Variants in NIPBL observed in about 807,000 individuals in gnomAD.
The protein encoded by NIPBL is nipped-B-like protein.
In NIPBL, 19 loss-of-function variants were observed where a neutral mutation model predicts 321.8. That is an observed-to-expected ratio of 0.06 (90% CI 0.04 to 0.09). The LOEUF (loss-of-function observed/expected upper bound fraction) is 0.09, where lower values mean the gene tolerates loss of function less well. Ranked by LOEUF, NIPBL falls within the 10% of genes least tolerant of loss-of-function variation. NIPBL has a pLI of 1.00. For missense variants in NIPBL, 2,210 were observed against 3,327.0 expected, an observed-to-expected ratio of 0.66 and a Z score of 8.26; for synonymous variants, 1,106 against 1,114.1, an observed-to-expected ratio of 0.99 and a Z score of 0.14.
chr5:36,947,853 C>CT (rs540615687), intron 1 of NIPBL, among the ~76,000 whole-genome samples: 1 of 151,748 alleles, frequency 6.6e-6, no homozygotes, highest in East Asian at 1.9e-4. Context: ...TAATAATGTT[C>CT]TTTTTTTTCA....
chr5:36,915,356 A>G (rs1748378698), intron 1 of NIPBL, among the ~76,000 whole-genome samples: 1 of 152,162 alleles, frequency 6.6e-6, no homozygotes, highest in Non-Finnish European at 1.5e-5. Flanking sequence ...TTTATTTTAA[A>G]TCTAGTTATA....
chr5:36,994,713 C>T (rs1412388740), intron 10 of NIPBL, among the ~76,000 whole-genome samples: 1 of 152,102 alleles, frequency 6.6e-6, no homozygotes, highest in Non-Finnish European at 1.5e-5. Flanking sequence ...GACAAATTAT[C>T]CGAATAAGTA....
Position 37,014,731 on chromosome 5 carries a change from A to G in NIPBL, c.4609A>G (p.Thr1537Ala), listed in dbSNP as rs1561160697. Residue 1537 changes from threonine to alanine, a missense_variant, in exon 22 of 47, where the codon ACA becomes GCA. Around this residue, in one of 14 missense-constraint regions of NIPBL, gnomAD observed 381 missense variants for 642.3 expected, o/e 0.59. Transcript: ENST00000282516. ...ITNSYETAMRTAQNFLSIFLK... is the reference protein window; with the variant it reads ...ITNSYETAMRAAQNFLSIFLK... The stretch of plus-strand genomic sequence containing the variant: ...TAACTCTTATGAAACAGCTATGCGA[A>G]CAGCCCAAAACTTCCTCTCCATCTT... The G allele has an allele frequency of 1.9e-6, 3 of 1,608,570 alleles. No individual in the cohort carries two copies. Among genetic ancestry groups the G allele is most frequent in the Non-Finnish European group, 1.7e-6 (2 of 1,175,088 alleles).
intron 16 of NIPBL, among the ~76,000 whole-genome samples, chr5:37,004,548 G>A (rs1257718179): frequency 3.3e-5 from 5 of 151,896 alleles, no homozygotes; most frequent in Non-Finnish European, 1.5e-5. Context: ...GGAACTACAG[G>A]CATGCACCAC....
At chr5:37,060,078 G>A (rs1246683482) in intron 44 of NIPBL, among the ~76,000 whole-genome samples, 3 of 152,152 alleles carry the variant, frequency 2.0e-5, no homozygotes, top group African/African-American at 4.8e-5. Flanking sequence ...AAGTGGACCT[G>A]TCTCAAGTTT....
intron 32 of NIPBL, among the ~76,000 whole-genome samples, chr5:37,033,548 G>C (rs1476727500): frequency 9.0e-6 from 1 of 110,922 alleles, no homozygotes; most frequent in Non-Finnish European, 1.7e-5. Context: ...ATATTTGACT[G>C]TCCATAAGAA....
At chr5:37,023,372 C>G (rs1749870632) in intron 29 of NIPBL, among the ~76,000 whole-genome samples, 2 of 152,140 alleles carry the variant, frequency 1.3e-5, no homozygotes, top group South Asian at 4.1e-4. Flanking sequence ...ATTTTGCACA[C>G]TTCATGTATG....
chr5:36,967,573 G>T (rs1236293915), intron 6 of NIPBL, among the ~76,000 whole-genome samples: 1 of 152,080 alleles, frequency 6.6e-6, no homozygotes, highest in Admixed American at 6.5e-5. Context: ...GTGAAGTGAG[G>T]GGAGTATGAG....
At chr5:36,969,275 G>T (rs1051159373) in intron 6 of NIPBL, among the ~76,000 whole-genome samples, 1 of 152,084 alleles carries the variant, frequency 6.6e-6, no homozygotes, top group Non-Finnish European at 1.5e-5. Context: ...TCTCAAGGAA[G>T]GTTTTTGTGG....
At chr5:36,906,204 T>A (rs1368120319) in intron 1 of NIPBL, among the ~76,000 whole-genome samples, 1 of 152,068 alleles carries the variant, frequency 6.6e-6, no homozygotes, top group Non-Finnish European at 1.5e-5. Flanking sequence ...ATGAAGTATA[T>A]AATCATTATC....
At position 37,001,159 on chromosome 5, in the gene NIPBL, A is replaced by G. The variant is rs1561139067; in HGVS notation, c.3664+81A>G. ...CTAGAGTAACTCAGTTACTCTAGTG[A>G]TGTGTCCTACCTTGAAATCATATAC... is the stretch of plus-strand genomic sequence containing the variant. On this transcript the variant is annotated intron_variant, in intron 14 of 46. Transcript: ENST00000282516. 6 of 916,422 alleles carry G rather than the reference A, an allele frequency of 6.5e-6. No homozygotes were observed. In the Admixed American group the frequency reaches 8.7e-5, roughly 13 times the overall value. The allele number at this position is 916,422 out of a possible 1,614,324, so 56.8% of individuals were successfully genotyped here. A position where few individuals can be genotyped will look rare whatever the true frequency, so the allele number is the denominator to read the frequency against.
rs776743978 is a variant in NIPBL at position 36,986,318 on chromosome 5, T to A, written c.3121+17T>A. On this transcript the variant is annotated intron_variant, in intron 10 of 46. Transcript: ENST00000282516. ...CAAATAAAGGTAAGAATACTTCTAC[T>A]GATGTCATTTATAATATAATCGATT... 34 of 1,430,984 alleles carry A rather than the reference T, an allele frequency of 2.4e-5. No homozygotes were observed. The highest frequency in any genetic ancestry group is 2.9e-5 in the Non-Finnish European group (31 of 1,078,712). The allele number at this position is 1,430,984 out of a possible 1,614,324, so 88.6% of individuals were successfully genotyped here. A position where few individuals can be genotyped will look rare whatever the true frequency, so the allele number is the denominator to read the frequency against.
At chr5:37,002,804 G>GA in intron 15 of NIPBL, 39 bp downstream of exon 15, 1 of 1,127,518 alleles carries the variant, frequency 8.9e-7, no homozygotes, top group South Asian at 1.3e-5. Context: ...TTACTTCATA[G>GA]AAACATTTGA....
chr5:36,938,817 T>C (rs1246452186), intron 1 of NIPBL, among the ~76,000 whole-genome samples: 1 of 152,158 alleles, frequency 6.6e-6, no homozygotes, highest in Non-Finnish European at 1.5e-5. Context: ...AAACTGACGT[T>C]GATACAATCC....
chr5:37,002,566 G>T, intron 14 of NIPBL, 96 bp from the exon 15 acceptor site: 4 of 798,966 alleles, frequency 5.0e-6, no homozygotes, highest in Non-Finnish European at 8.7e-6. Context: ...TGTTTAGTTT[G>T]CATGTCTAAA....
rs376904721 is a variant in NIPBL at position 37,022,211 on chromosome 5, A to T, written c.5428-33A>T. The T allele has an allele frequency of 2.0e-5, 33 of 1,613,392 alleles. No homozygotes were observed. The African/African-American group carries it at 4.3e-4, about 21-fold the overall frequency. On this transcript the variant is annotated intron_variant, in intron 28 of 46. Coordinates refer to ENST00000282516, the MANE Select transcript of NIPBL (RefSeq NM_133433.4). Reference sequence around the variant, plus strand: ...ATTGGAATATTCACTCTATTTAGGTATAAATTGTTTTTTTCTCTTCATTTT... The same window carrying T: ...ATTGGAATATTCACTCTATTTAGGTTTAAATTGTTTTTTTCTCTTCATTTT...
At chr5:37,050,746 G>C (rs1043067225) in intron 40 of NIPBL, among the ~76,000 whole-genome samples, 1 of 152,136 alleles carries the variant, frequency 6.6e-6, no homozygotes, top group Non-Finnish European at 1.5e-5. Context: ...AATTTGGGAA[G>C]TTTAACACTG....
chr5:36,940,499 G>C (rs1738947795), intron 1 of NIPBL, among the ~76,000 whole-genome samples: 1 of 152,120 alleles, frequency 6.6e-6, no homozygotes, highest in African/African-American at 2.4e-5. Context: ...TCAGGGACTT[G>C]AGCATGTTAA....
At chr5:37,015,189 T>A (rs978439469) in intron 22 of NIPBL, among the ~76,000 whole-genome samples, 12 of 152,028 alleles carry the variant, frequency 7.9e-5, no homozygotes, top group Admixed American at 2.0e-4. Context: ...AATGGCACGA[T>A]CTCAGCTAAC....
Sources: allele counts gnomAD v4.1 joint callset (sites outside exome capture counted in the v4.1 genomes callset), GRCh38; gene constraint gnomAD v4.1.1; regional missense constraint gnomAD v4.1.1; transcripts MANE v1.5; gene names NCBI Gene and HGNC (gene_info 2026-07-23, HGNC 2026-07-21).